EEPD1: variants seen among roughly 807,000 people sequenced by gnomAD.
EEPD1 encodes the protein endonuclease/exonuclease/phosphatase family domain containing 1.
A neutral mutation model predicts 46.3 loss-of-function variants in EEPD1; 17 were observed. The observed-to-expected ratio is 0.37, with a 90% CI of 0.25 to 0.55. EEPD1 has a LOEUF of 0.55. Ranked by LOEUF, EEPD1 falls within the 20% of genes least tolerant of loss-of-function variation. EEPD1 has a pLI of 0.83. For missense variants in EEPD1, 673 were observed against 745.6 expected, an observed-to-expected ratio of 0.90 and a Z score of 1.13; for synonymous variants, 313 against 315.6, an observed-to-expected ratio of 0.99 and a Z score of 0.09.
chr7:36,191,050 T>C (rs978079516), intron 2 of EEPD1, among the ~76,000 whole-genome samples: 7 of 152,252 alleles, frequency 4.6e-5, no homozygotes, highest in African/African-American at 1.7e-4. Context: ...TTAGGAACTT[T>C]TATTTGCTCA....
At chr7:36,239,292 C>T (rs1267276112) in intron 3 of EEPD1, among the ~76,000 whole-genome samples, 1 of 152,160 alleles carries the variant, frequency 6.6e-6, no homozygotes, top group Non-Finnish European at 1.5e-5. Flanking sequence ...GAGGCCCGTG[C>T]TGCAAGGGGC....
chr7:36,255,526 G>T (rs1180878772), intron 3 of EEPD1, among the ~76,000 whole-genome samples: 2 of 151,396 alleles, frequency 1.3e-5, no homozygotes, highest in Non-Finnish European at 2.9e-5. Context: ...GGGCTATTCA[G>T]GGATTCAACT....
intron 2 of EEPD1, among the ~76,000 whole-genome samples, chr7:36,158,320 T>C (rs953097763): frequency 2.1e-4 from 29 of 134,970 alleles, no homozygotes; most frequent in African/African-American, 8.2e-4. Flanking sequence ...CTCTCCCTCA[T>C]CAGGCGCACT....
At position 36,154,867 on chromosome 7, in the gene EEPD1, T is replaced by C. The variant is rs771268726; in HGVS notation, c.543T>C (p.Asp181=). The C allele has an allele frequency of 6.2e-7, 1 of 1,614,076 alleles. No individual in the cohort carries two copies. The highest frequency in any genetic ancestry group is 2.2e-5 in the East Asian group (1 of 44,878). ...GCGTTGAGGACCTAGTGAGGATGGA[T>C]GGTATCAATGCCGCCTTCCTGGACA... ...FRSVEDLVRM[D]GINAAFLDRI... is the part of the protein sequence containing the mutation. Residue 181 remains aspartate, a synonymous_variant, in exon 2 of 8, where the codon GAT becomes GAC. Transcript: ENST00000242108. The surrounding 1 kb of genome is among the most constrained non-coding windows in gnomAD (Gnocchi z 4.2).
At chr7:36,279,046 G>A (rs1450816732) in intron 3 of EEPD1, among the ~76,000 whole-genome samples, 2 of 152,162 alleles carry the variant, frequency 1.3e-5, no homozygotes, top group East Asian at 3.9e-4. Context: ...TACAATGGAG[G>A]CAACTACTTG....
chr7:36,243,257 C>G (rs933760711), intron 3 of EEPD1, among the ~76,000 whole-genome samples: 1 of 151,080 alleles, frequency 6.6e-6, no homozygotes, highest in African/African-American at 2.4e-5. Flanking sequence ...ATTAACTAGT[C>G]AGAAAGAATC....
rs1404686805 is a variant in EEPD1, at chr7:36,219,802, A to AGTGT, written c.879-19182_879-19181insTGTG. On this transcript the variant is annotated intron_variant, in intron 2 of 7. Coordinates refer to ENST00000242108, the MANE Select transcript of EEPD1 (RefSeq NM_030636.3). ...GAGAGAGAGAGAGAGAGAGAGAGAG[A>AGTGT]GAGAGTGTGTGTGTGTGTGTGTGTG... Among the ~76,000 whole-genome samples, 522 of 67,222 alleles carry AGTGT rather than the reference A, an allele frequency of 7.8e-3. 4 individuals are homozygous for AGTGT. Among genetic ancestry groups the AGTGT allele is most frequent in the Middle Eastern group, 0.038 (4 of 104 alleles). The allele number at this position is 67,222 out of a possible 152,430, so 44.1% of individuals were successfully genotyped here.
Position 36,225,342 on chromosome 7 carries a change from A to C in EEPD1, c.879-13643A>C, listed in dbSNP as rs1279027454. ...ACAGGGTTATACATGTGGAAGATGG[A>C]ACTGACCACCCACATTCAGATTTTT... is the stretch of plus-strand genomic sequence containing the variant. On this transcript the variant is annotated intron_variant, in intron 2 of 7. Coordinates refer to ENST00000242108, the MANE Select transcript of EEPD1 (RefSeq NM_030636.3). This position sits in a 1 kb window ranked among gnomAD's most constrained non-coding sequence, Gnocchi z 4.2. Among the ~76,000 whole-genome samples the C allele has an allele frequency of 6.6e-6, 1 of 152,210 alleles. No homozygotes were observed. The highest frequency in any genetic ancestry group is 2.4e-5 in the African/African-American group (1 of 41,446).
At chr7:36,199,796 G>T (rs1040564271) in intron 2 of EEPD1, among the ~76,000 whole-genome samples, 1 of 152,026 alleles carries the variant, frequency 6.6e-6, no homozygotes, top group African/African-American at 2.4e-5. Context: ...CTTCCCTGGG[G>T]GTCGTGCACC....
At chr7:36,227,995 A>G (rs1329485739) in intron 2 of EEPD1, among the ~76,000 whole-genome samples, 8 of 152,100 alleles carry the variant, frequency 5.3e-5, no homozygotes, top group African/African-American at 1.9e-4. Flanking sequence ...GCCTAATCCC[A>G]GCACTTTGGG....
At chr7:36,185,669 C>T (rs1413633905) in intron 2 of EEPD1, among the ~76,000 whole-genome samples, 3 of 150,440 alleles carry the variant, frequency 2.0e-5, no homozygotes, top group Non-Finnish European at 3.0e-5. Flanking sequence ...AAGATGCTGC[C>T]CTTTCCAAAT....
intron 2 of EEPD1, among the ~76,000 whole-genome samples, chr7:36,169,231 A>T (rs879714691): frequency 5.3e-5 from 8 of 152,230 alleles, no homozygotes; most frequent in Admixed American, 6.5e-5. Context: ...TTTGGGGTAT[A>T]TACCTAGGAG....
At chr7:36,272,039 G>A (rs1418595919) in intron 3 of EEPD1, among the ~76,000 whole-genome samples, 4 of 151,466 alleles carry the variant, frequency 2.6e-5, no homozygotes, top group African/African-American at 7.3e-5. Flanking sequence ...CTGCCACAAC[G>A]CCCCGCTAAT....
intron 2 of EEPD1, among the ~76,000 whole-genome samples, chr7:36,236,823 T>A (rs1362521376): frequency 6.6e-6 from 1 of 152,188 alleles, no homozygotes; most frequent in Non-Finnish European, 1.5e-5. Flanking sequence ...CAATCAGTGC[T>A]CTGTAAAATG....
intron 2 of EEPD1, among the ~76,000 whole-genome samples, chr7:36,178,173 G>C (rs1021398950): frequency 6.6e-6 from 1 of 151,968 alleles, no homozygotes; most frequent in East Asian, 1.9e-4. Context: ...GAATAAATAA[G>C]TGTAAAGCAC....
intron 2 of EEPD1, among the ~76,000 whole-genome samples, chr7:36,173,675 T>C (rs1005494808): frequency 6.6e-6 from 1 of 152,190 alleles, no homozygotes; most frequent in Admixed American, 6.5e-5. Context: ...CTCAGGTATA[T>C]CTTTATAGCA....
At chr7:36,219,151 T>C (rs1056492930) in intron 2 of EEPD1, among the ~76,000 whole-genome samples, 2 of 152,024 alleles carry the variant, frequency 1.3e-5, no homozygotes, top group Non-Finnish European at 2.9e-5. Context: ...CGATGTCTGA[T>C]TGGGTGGGCA....
At chr7:36,268,735 C>T (rs1296335817) in intron 3 of EEPD1, among the ~76,000 whole-genome samples, 1 of 152,216 alleles carries the variant, frequency 6.6e-6, no homozygotes. Context: ...GTGTGTCTAA[C>T]AACCAGGAGA....
chr7:36,297,435 C>A (rs1787545856), intron 7 of EEPD1, among the ~76,000 whole-genome samples: 1 of 152,116 alleles, frequency 6.6e-6, no homozygotes, highest in Non-Finnish European at 1.5e-5. Flanking sequence ...TAATTTTATT[C>A]AAATATACCT....
Sources: gnomAD v4.1 joint callset for allele counts (sites outside exome capture counted in the v4.1 genomes callset) on GRCh38, gnomAD v4.1.1 for gene constraint, Gnocchi (gnomAD v3.1) non-coding constraint, MANE v1.5 for transcripts, NCBI Gene and HGNC (gene_info 2026-07-23, HGNC 2026-07-21) for gene names.